UNC5A: variants seen among roughly 807,000 people sequenced by gnomAD.
UNC5A encodes unc-5 netrin receptor A.
UNC5A carries 20 observed loss-of-function variants against 87.4 expected under a neutral mutation model. The observed-to-expected ratio is 0.23, with a 90% CI of 0.16 to 0.33. The LOEUF is 0.33. Ranked by LOEUF, UNC5A falls within the 10% of genes least tolerant of loss-of-function variation. The pLI, the probability that UNC5A is intolerant of heterozygous loss-of-function variation, is 1.00. For synonymous variants in UNC5A, 438 were observed against 482.3 expected, an observed-to-expected ratio of 0.91 and a Z score of 1.20; for missense variants, 844 against 1,133.4, an observed-to-expected ratio of 0.74 and a Z score of 3.67.
intron 1 of UNC5A, among the ~76,000 whole-genome samples, chr5:176,840,626 T>G (rs1386789355): frequency 6.6e-6 from 1 of 152,166 alleles, no homozygotes; most frequent in African/African-American, 2.4e-5. Flanking sequence ...GGACCCTCCC[T>G]CTGCAGATGC....
At chr5:176,812,720 G>A (rs527945166) in intron 1 of UNC5A, among the ~76,000 whole-genome samples, 23 of 152,280 alleles carry the variant, frequency 1.5e-4, no homozygotes, top group African/African-American at 4.6e-4. Flanking sequence ...GTGGGCACAG[G>A]TGCTGCAGGG....
intron 1 of UNC5A, among the ~76,000 whole-genome samples, chr5:176,842,948 G>A (rs1008393223): frequency 6.6e-5 from 10 of 152,036 alleles, no homozygotes; most frequent in African/African-American, 2.4e-4. Flanking sequence ...GATCACCTGG[G>A]GTCAGGAGTT....
Position 176,880,081 on chromosome 5 carries a change from C to G in UNC5A, c.*195C>G. ...CCTCTCCATGGCCTGCCTAGCCAGG[C>G]TGGCACTGCCACTCACACTCGGCCC... On this transcript the variant is annotated 3_prime_UTR_variant, in exon 15 of 15. Transcript: ENST00000329542. 2 of 707,676 alleles carry G rather than the reference C, an allele frequency of 2.8e-6. No homozygotes were observed. Among genetic ancestry groups the G allele is most frequent in the Non-Finnish European group, 4.5e-6 (2 of 444,824 alleles). 43.8% of individuals were successfully genotyped at this position (707,676 alleles called of 1,614,324 possible).
intron 2 of UNC5A, among the ~76,000 whole-genome samples, 161 bp from the exon 3 acceptor site, chr5:176,867,969 G>A (rs1050797111): frequency 6.6e-6 from 1 of 151,182 alleles, no homozygotes; most frequent in Admixed American, 6.6e-5. Context: ...GCTGGAGGTT[G>A]CCTTAAAACT....
intron 1 of UNC5A, among the ~76,000 whole-genome samples, chr5:176,845,037 C>T (rs1345851310): frequency 6.6e-6 from 1 of 152,208 alleles, no homozygotes; most frequent in South Asian, 2.1e-4. Flanking sequence ...TGCCTGGCTG[C>T]ACCGCCATCT....
intron 1 of UNC5A, among the ~76,000 whole-genome samples, chr5:176,827,683 G>T (rs2113599014): frequency 6.6e-6 from 1 of 152,204 alleles, no homozygotes; most frequent in Admixed American, 6.5e-5. Context: ...GGAATTGCTG[G>T]GTCATACGGT....
chr5:176,825,755 G>C (rs189406441), intron 1 of UNC5A, among the ~76,000 whole-genome samples: 1 of 152,354 alleles, frequency 6.6e-6, no homozygotes, highest in Admixed American at 6.5e-5. Flanking sequence ...AAAATGGGCA[G>C]AAGGTCCAGA....
intron 1 of UNC5A, among the ~76,000 whole-genome samples, chr5:176,860,099 C>T (rs1204896849): frequency 6.6e-6 from 1 of 152,252 alleles, no homozygotes; most frequent in Non-Finnish European, 1.5e-5. Context: ...CCCACACGCC[C>T]AGCCAGGGAC....
chr5:176,846,574 A>C (rs2113629262), intron 1 of UNC5A, among the ~76,000 whole-genome samples: 1 of 152,112 alleles, frequency 6.6e-6, no homozygotes, highest in East Asian at 1.9e-4. Context: ...CCCCCCAGTT[A>C]TGTGCTCATG....
chr5:176,874,014 C>G lies in UNC5A; in HGVS notation c.933C>G (p.Ala311=), dbSNP rs777226581. 1.2e-6 allele frequency: 2 copies of G among 1,613,902 alleles called. No individual in the cohort carries two copies. The highest frequency in any genetic ancestry group is 1.6e-4 in the Middle Eastern group (1 of 6,082). Residue 311 remains alanine (A), a synonymous_variant, in exon 7 of 15, where the codon GCC becomes GCG. Coordinates refer to ENST00000329542, the MANE Select transcript of UNC5A (RefSeq NM_133369.3). This position sits in a 1 kb window ranked among gnomAD's most constrained non-coding sequence, Gnocchi z 7.6. ...EDVALYVGLI[A]VAVCLVLLLL... is the part of the protein sequence containing the mutation. Reference sequence around the variant, plus strand: ...TGGCCCTCTATGTGGGCCTCATCGCCGTGGCCGTCTGCCTGGTCCTGCTGC... The same window carrying G: ...TGGCCCTCTATGTGGGCCTCATCGCGGTGGCCGTCTGCCTGGTCCTGCTGC...
chr5:176,878,839 G>C (rs1474926163), intron 13 of UNC5A, among the ~76,000 whole-genome samples, 200 bp downstream of exon 13: 1 of 152,202 alleles, frequency 6.6e-6, no homozygotes, highest in Non-Finnish European at 1.5e-5. Context: ...ATGGGACTTG[G>C]GGAGGGGAGT....
Position 176,879,718 on chromosome 5 carries a change from C to T in UNC5A, c.2364-3C>T, listed in dbSNP as rs991128798. ...CTGCTGACGGCCCCCCTCCCCTCCA[C>T]AGCCATCTCAGCTTCTTTGCCTCCA... is the stretch of plus-strand genomic sequence containing the variant. On this transcript the variant is annotated splice_region_variant and splice_polypyrimidine_tract_variant and intron_variant, in intron 14 of 14. Transcript: ENST00000329542. 6 of 1,611,964 alleles carry T rather than the reference C, an allele frequency of 3.7e-6. No individual in the cohort carries two copies. In the African/African-American group the frequency reaches 5.3e-5, roughly 14 times the overall value.
chr5:176,813,048 C>G (rs992166313), intron 1 of UNC5A, among the ~76,000 whole-genome samples: 5 of 152,244 alleles, frequency 3.3e-5, no homozygotes, highest in Admixed American at 6.5e-5. Context: ...GCTTGCTCCC[C>G]AGGCCACGCG....
intron 1 of UNC5A, among the ~76,000 whole-genome samples, chr5:176,832,580 C>T (rs1041978814): frequency 1.3e-5 from 2 of 152,052 alleles, no homozygotes; most frequent in African/African-American, 4.8e-5. Context: ...GAACACAGGA[C>T]CCCTCAGCTG....
intron 1 of UNC5A, among the ~76,000 whole-genome samples, chr5:176,840,286 A>G (rs144126463): frequency 1.2e-3 from 178 of 152,264 alleles, no homozygotes; most frequent in African/African-American, 4.1e-3. Flanking sequence ...AGACTGGAGC[A>G]GAGTGTCAGA....
chr5:176,831,661 A>ACAGTGACCTCACACCTGTCTCCTCGT (rs1757027913), intron 1 of UNC5A, among the ~76,000 whole-genome samples: 1 of 152,074 alleles, frequency 6.6e-6, no homozygotes, highest in African/African-American at 2.4e-5. Context: ...CCCCATAAGC[A>ACAGTGACCTCACACCTGTCTCCTCGT]CAGTGACCTC....
intron 3 of UNC5A, 26 bp from the exon 4 acceptor site, chr5:176,868,510 TGAGCCTGTGCGAGGCCCTCAGACAG>T (rs1414468950): frequency 6.5e-7 from 1 of 1,547,446 alleles, no homozygotes; most frequent in African/African-American, 1.4e-5. Flanking sequence ...CCAGCCAGGC[TGAGCCTGTGCGAGGCCCTCAGACAG>T]GAGGACACTC....
At chr5:176,851,938 G>A (rs760560481) in intron 1 of UNC5A, among the ~76,000 whole-genome samples, 9 of 152,302 alleles carry the variant, frequency 5.9e-5, no homozygotes, top group East Asian at 3.9e-4. Flanking sequence ...GATCTGCCCC[G>A]GCTCTGCCAT....
intron 2 of UNC5A, among the ~76,000 whole-genome samples, chr5:176,864,035 C>T (rs927556170): frequency 6.6e-6 from 1 of 151,540 alleles, no homozygotes; most frequent in African/African-American, 2.4e-5. Context: ...ACAGCCCGTG[C>T]GGGACACACA....
Sources: gnomAD v4.1 joint callset for allele counts (sites outside exome capture counted in the v4.1 genomes callset) on GRCh38, gnomAD v4.1.1 for gene constraint, Gnocchi (gnomAD v3.1) non-coding constraint, MANE v1.5 for transcripts, NCBI Gene and HGNC (gene_info 2026-07-23, HGNC 2026-07-21) for gene names.